SMAP2: variants seen among roughly 807,000 people sequenced by gnomAD.
The protein encoded by SMAP2 is stromal membrane-associated protein 2.
SMAP2 carries 25 observed loss-of-function variants against 56.4 expected under a neutral mutation model. The observed-to-expected ratio is 0.44, with a 90% confidence interval of 0.32 to 0.62. The LOEUF is 0.62. SMAP2 is among the 20% of genes least tolerant of loss of function. The probability of loss-of-function intolerance (pLI) is 0.04; values close to 1 mark genes in which losing one functional copy is unlikely to be tolerated. For missense variants in SMAP2, 388 were observed against 545.6 expected, an observed-to-expected ratio of 0.71 and a Z score of 2.88; for synonymous variants, 157 against 181.7, an observed-to-expected ratio of 0.86 and a Z score of 1.09.
At position 40,397,585 on chromosome 1, in the gene SMAP2, A is replaced by G. The variant is rs991557496; in HGVS notation, c.104-9151A>G. On this transcript the variant is annotated intron_variant, in intron 1 of 9. Transcript: ENST00000372718. ...AAAAATATATACATTTATGTTGCTT[A>G]TTGACGAATTCATTTAACACACATT... 9.2e-5 allele frequency among the ~76,000 whole-genome samples: 14 copies of G among 152,200 alleles called. 1 individual carries two copies. Among genetic ancestry groups the G allele is most frequent in the East Asian group, 5.8e-4 (3 of 5,184 alleles).
At chr1:40,416,474 C>T (rs867695267) in intron 8 of SMAP2, 133 bp downstream of exon 8, 3 of 961,206 alleles carry the variant, frequency 3.1e-6, no homozygotes, top group African/African-American at 3.3e-5. Context: ...CTGAACATGA[C>T]CAACGTATCA....
intron 1 of SMAP2, among the ~76,000 whole-genome samples, chr1:40,392,197 C>T (rs1190150915): frequency 1.3e-5 from 2 of 152,170 alleles, no homozygotes; most frequent in East Asian, 3.8e-4. Flanking sequence ...TGAATTTGCT[C>T]CCAGTACCCC....
chr1:40,421,504 C>CTTTT (rs201833985), intron 9 of SMAP2, among the ~76,000 whole-genome samples: 21 of 151,988 alleles, frequency 1.4e-4, no homozygotes, highest in Non-Finnish European at 2.9e-5. Context: ...AGTCCAGTTC[C>CTTTT]TTTTTTTCCC....
intron 1 of SMAP2, among the ~76,000 whole-genome samples, chr1:40,392,807 A>G (rs529816151): frequency 2.0e-5 from 3 of 152,288 alleles, no homozygotes; most frequent in East Asian, 1.9e-4. Context: ...TTTAAAAAGT[A>G]TACTAAATTA....
chr1:40,374,716 T>C lies in SMAP2; in HGVS notation c.103+493T>C. 6.5e-7 allele frequency: 1 copy of C among 1,550,342 alleles called. No homozygotes were observed. Among genetic ancestry groups the C allele is most frequent in the East Asian group, 2.4e-5 (1 of 40,914 alleles). On this transcript the variant is annotated intron_variant, in intron 1 of 9. Coordinates refer to ENST00000372718, the MANE Select transcript of SMAP2 (RefSeq NM_022733.3). This position sits in a 1 kb window ranked among gnomAD's most constrained non-coding sequence, Gnocchi z 5.9. Reference sequence around the variant, plus strand: ...CTTAAATGATTTTTAAAGGTGGTGATTTTTGCTTCCTGCTATTTGGTTAGC... The same window carrying C: ...CTTAAATGATTTTTAAAGGTGGTGACTTTTGCTTCCTGCTATTTGGTTAGC...
chr1:40,407,512 T>A (rs1293580102), intron 2 of SMAP2, among the ~76,000 whole-genome samples: 1 of 151,954 alleles, frequency 6.6e-6, no homozygotes, highest in East Asian at 1.9e-4. Flanking sequence ...AAATAAAAAT[T>A]CACTTTTTAA....
Position 40,384,413 on chromosome 1 carries a change from C to T in SMAP2, c.103+10190C>T, listed in dbSNP as rs556215534. On this transcript the variant is annotated intron_variant, in intron 1 of 9. Coordinates refer to ENST00000372718, the MANE Select transcript of SMAP2 (RefSeq NM_022733.3). ...TTTTGTCTTGTAAGGAATGTTGCTG[C>T]TGCTCCATTTAAGGGCAGAGCTTTC... 6.6e-5 allele frequency among the ~76,000 whole-genome samples: 10 copies of T among 152,354 alleles called. No individual in the cohort carries two copies. The East Asian group carries it at 1.9e-3, about 29-fold the overall frequency.
chr1:40,414,887 G>A (rs183900777), intron 6 of SMAP2, among the ~76,000 whole-genome samples: 62 of 152,296 alleles, frequency 4.1e-4, no homozygotes, highest in African/African-American at 1.4e-3. Context: ...GTTTCCATCC[G>A]CTTCTGCTGA....
At position 40,408,756 on chromosome 1, in the gene SMAP2, A is replaced by T. The variant is rs1280882726; in HGVS notation, c.323+18A>T. On this transcript the variant is annotated intron_variant, in intron 3 of 9. Transcript: ENST00000372718. The surrounding 1 kb of genome is among the most constrained non-coding windows in gnomAD (Gnocchi z 4.3). ...ATAGACCCGTATCTTTTCTGGAGCA[A>T]CTTAGAAGGCTGAGTGGTATTTTGA... is the stretch of plus-strand genomic sequence containing the variant. The T allele has an allele frequency of 2.5e-6, 4 of 1,600,672 alleles. No individual in the cohort carries two copies. In the South Asian group the frequency reaches 4.4e-5, roughly 18 times the overall value.
intron 1 of SMAP2, among the ~76,000 whole-genome samples, chr1:40,353,893 A>G (rs1025958871): frequency 9.9e-5 from 15 of 151,720 alleles, no homozygotes; most frequent in Non-Finnish European, 4.4e-5. Flanking sequence ...GCCTGGCCAG[A>G]ATGTGCATTT....
intron 1 of SMAP2, among the ~76,000 whole-genome samples, chr1:40,361,439 T>C (rs1644459484): frequency 6.6e-6 from 1 of 152,070 alleles, no homozygotes; most frequent in Non-Finnish European, 1.5e-5. Flanking sequence ...GCTGCAGGAA[T>C]GGACTCCTTC....
At position 40,421,957 on chromosome 1, in the gene SMAP2, T is replaced by C; in HGVS notation, c.1165-19T>C. ...GAATGCCCACAGCCTGGTCTGAAAGTCTCCTCTCTCCCTTTCAGATGACCC... is the reference window on the plus strand; with the variant it reads ...GAATGCCCACAGCCTGGTCTGAAAGCCTCCTCTCTCCCTTTCAGATGACCC... On this transcript the variant is annotated intron_variant, in intron 9 of 9. Coordinates refer to ENST00000372718, the MANE Select transcript of SMAP2 (RefSeq NM_022733.3). 1 of 1,614,000 alleles carries C rather than the reference T, an allele frequency of 6.2e-7. No homozygotes were observed. Among genetic ancestry groups the C allele is most frequent in the Non-Finnish European group, 8.5e-7 (1 of 1,179,944 alleles).
chr1:40,396,853 G>C, intron 1 of SMAP2: 1 of 985,088 alleles, frequency 1.0e-6, no homozygotes, highest in Non-Finnish European at 1.2e-6. Context: ...CCTTTTCAGT[G>C]AATCAGAGAA....
intron 1 of SMAP2, among the ~76,000 whole-genome samples, chr1:40,383,253 G>C (rs1257545690): frequency 6.6e-6 from 1 of 152,212 alleles, no homozygotes; most frequent in Non-Finnish European, 1.5e-5. Flanking sequence ...AGCATGGAAA[G>C]AGGAGCAGTC....
At chr1:40,356,826 G>T (rs986815188) in intron 1 of SMAP2, among the ~76,000 whole-genome samples, 1 of 152,104 alleles carries the variant, frequency 6.6e-6, no homozygotes, top group East Asian at 1.9e-4. Flanking sequence ...TCTAGTGTTC[G>T]TTATTGCCTG....
At chr1:40,375,835 C>CG (rs997812129) in intron 1 of SMAP2, 33 of 822,338 alleles carry the variant, frequency 4.0e-5, no homozygotes, top group African/African-American at 3.7e-4. Context: ...AACCCCCCCC[C>CG]CCATTTCTCA....
Position 40,408,532 on chromosome 1 carries a change from A to C in SMAP2, c.238-121A>C. 1.5e-6 allele frequency: 1 copy of C among 689,494 alleles called. No homozygotes were observed. The highest frequency in any genetic ancestry group is 2.5e-6 in the Non-Finnish European group (1 of 399,664). The allele number at this position is 689,494 out of a possible 1,614,324, so 42.7% of individuals were successfully genotyped here. Reference sequence around the variant, plus strand: ...TGGAAATCAGAATACACAAGTTTAAATGTTGGTTCTGACACTCTCTAGGTT... The same window carrying C: ...TGGAAATCAGAATACACAAGTTTAACTGTTGGTTCTGACACTCTCTAGGTT... On this transcript the variant is annotated intron_variant, in intron 2 of 9. Transcript: ENST00000372718. The surrounding 1 kb of genome is among the most constrained non-coding windows in gnomAD (Gnocchi z 4.3).
chr1:40,379,597 TG>T (rs1236859127), intron 1 of SMAP2, among the ~76,000 whole-genome samples: 2 of 146,272 alleles, frequency 1.4e-5, no homozygotes, highest in African/African-American at 5.1e-5. Context: ...AGTCTTGCTA[TG>T]TACAGTGGTG....
intron 1 of SMAP2, among the ~76,000 whole-genome samples, chr1:40,350,349 C>G (rs1414775169): frequency 6.6e-6 from 1 of 152,138 alleles, no homozygotes; most frequent in Non-Finnish European, 1.5e-5. Flanking sequence ...CCCACCAGAT[C>G]TTGTTGGGGA....
Sources: allele counts gnomAD v4.1 joint callset (sites outside exome capture counted in the v4.1 genomes callset), GRCh38; gene constraint gnomAD v4.1.1; non-coding constraint Gnocchi (gnomAD v3.1); transcripts MANE v1.5; gene names NCBI Gene and HGNC (gene_info 2026-07-23, HGNC 2026-07-21).